The following NCAPD2 variants were observed in gnomAD, a reference collection of about 807,000 sequenced individuals.
NCAPD2 encodes the protein non-SMC condensin I complex subunit D2.
A neutral mutation model predicts 164.5 loss-of-function variants in NCAPD2; 100 were observed. The ratio of observed to expected loss-of-function variants is 0.61; its 90% CI spans 0.52 to 0.72. The LOEUF (loss-of-function observed/expected upper bound fraction) is 0.72. NCAPD2 is among the 30% of genes least tolerant of loss of function. The probability of loss-of-function intolerance (pLI) is 0.00; values close to 1 mark genes in which losing one functional copy is unlikely to be tolerated. For synonymous variants in NCAPD2, 585 were observed against 642.6 expected, an observed-to-expected ratio of 0.91 and a Z score of 1.36; for missense variants, 1,560 against 1,749.2, an observed-to-expected ratio of 0.89 and a Z score of 1.93.
intron 2 of NCAPD2, among the ~76,000 whole-genome samples, chr12:6,505,574 C>T (rs978457008): frequency 3.9e-5 from 6 of 152,056 alleles, no homozygotes; most frequent in African/African-American, 1.4e-4. Context: ...TGTGGTGGCT[C>T]GCGCCTGTAA....
intron 2 of NCAPD2, 43 bp from the exon 3 acceptor site, chr12:6,509,674 T>G: frequency 6.4e-7 from 1 of 1,564,968 alleles, no homozygotes; most frequent in Non-Finnish European, 8.8e-7. Flanking sequence ...ACTGAAAAGG[T>G]TTCTCTTCCC....
At chr12:6,501,629 A>G (rs952082071) in intron 2 of NCAPD2, among the ~76,000 whole-genome samples, 11 of 152,194 alleles carry the variant, frequency 7.2e-5, no homozygotes, top group Admixed American at 4.6e-4. Context: ...AAAGATACAC[A>G]TTTAGGATTT....
Position 6,508,687 on chromosome 12 carries a change from T to C in NCAPD2, c.128-1030T>C, listed in dbSNP as rs149704213. 2.4e-3 allele frequency among the ~76,000 whole-genome samples: 370 copies of C among 152,262 alleles called. 4 individuals carry two copies. In the Middle Eastern group the frequency reaches 0.027, roughly 11 times the overall value. On this transcript the variant is annotated intron_variant, in intron 2 of 31. Transcript: ENST00000315579. ...CAAAAATGTGATGTGAAACAGGACA[T>C]TTACGTAGTCTGAAAGTATCTTCCC... is the stretch of plus-strand genomic sequence containing the variant.
At chr12:6,513,713 G>GTTTTTTTTTTTTTTTTTTTTT (rs1303520172) in intron 6 of NCAPD2, among the ~76,000 whole-genome samples, 5 of 50,120 alleles carry the variant, frequency 1.0e-4, no homozygotes, top group African/African-American at 4.4e-4. Flanking sequence ...TGGTGACTTT[G>GTTTTTTTTTTTTTTTTTTTTT]TCTTTTTTTT....
At position 6,522,073 on chromosome 12, in the gene NCAPD2, G is replaced by A. The variant is rs1444274469; in HGVS notation, c.1954+36G>A. 3.8e-6 allele frequency: 6 copies of A among 1,579,092 alleles called. No homozygotes were observed. The Admixed American group carries it at 1.1e-4, about 30-fold the overall frequency. On this transcript the variant is annotated intron_variant, in intron 15 of 31. Coordinates refer to ENST00000315579, the MANE Select transcript of NCAPD2 (RefSeq NM_014865.4). ...GTCCCTTTCTATAAGGACAGCCTTG[G>A]GGTTCTTTTGGATTTTTTAATTTTT...
intron 17 of NCAPD2, among the ~76,000 whole-genome samples, chr12:6,524,312 A>G (rs1172329893): frequency 6.6e-6 from 1 of 152,166 alleles, no homozygotes; most frequent in Non-Finnish European, 1.5e-5. Context: ...CACAGTTCAC[A>G]TTGTAGAACA....
intron 17 of NCAPD2, 132 bp from the exon 18 acceptor site, chr12:6,525,448 ACCT>A: frequency 9.9e-7 from 1 of 1,006,012 alleles, no homozygotes; most frequent in Non-Finnish European, 1.4e-6. Context: ...TACATTTTGA[ACCT>A]CCTCTTTTCT....
In NCAPD2 at chr12:6,531,622, A is replaced by G. The variant is rs1489885504; in HGVS notation, c.*210A>G. On this transcript the variant is annotated 3_prime_UTR_variant, in exon 32 of 32. Transcript: ENST00000315579. This position sits in a 1 kb window ranked among gnomAD's most constrained non-coding sequence, Gnocchi z 4.1. ...GGAGTTCGAGACCAGCCTGACCAAC[A>G]TGGAGAAACCCCATCTCTACTAAAA... 3 of 878,074 alleles carry G rather than the reference A, an allele frequency of 3.4e-6. No individual in the cohort carries two copies. Among genetic ancestry groups the G allele is most frequent in the Admixed American group, 2.8e-5 (1 of 36,252 alleles). 54.4% of individuals were successfully genotyped at this position (878,074 alleles called of 1,614,324 possible). A position where few individuals can be genotyped will look rare whatever the true frequency, so the allele number is the denominator to read the frequency against.
intron 2 of NCAPD2, among the ~76,000 whole-genome samples, chr12:6,500,770 G>A (rs1420023182): frequency 6.6e-6 from 1 of 152,172 alleles, no homozygotes; most frequent in Non-Finnish European, 1.5e-5. Flanking sequence ...GAATGAACTT[G>A]AAAGCCATTG....
intron 2 of NCAPD2, among the ~76,000 whole-genome samples, chr12:6,500,692 A>T (rs1261004268): frequency 6.6e-6 from 1 of 152,190 alleles, no homozygotes; most frequent in East Asian, 1.9e-4. Flanking sequence ...TTTGGATGCA[A>T]TTATAAGCTT....
At chr12:6,514,193 G>A in intron 6 of NCAPD2, 72 bp from the exon 7 acceptor site, 2 of 1,591,064 alleles carry the variant, frequency 1.3e-6, no homozygotes, top group Non-Finnish European at 1.7e-6. Flanking sequence ...GGGATAGAAT[G>A]AATGAGGCAG....
At chr12:6,522,305 G>A (rs149531539) in intron 15 of NCAPD2, among the ~76,000 whole-genome samples, 6 of 149,016 alleles carry the variant, frequency 4.0e-5, no homozygotes, top group Non-Finnish European at 8.9e-5. Flanking sequence ...GGGGTTCTCG[G>A]CTGGGCGCGA....
chr12:6,497,244 A>G (rs1185315984), intron 2 of NCAPD2, among the ~76,000 whole-genome samples: 1 of 152,124 alleles, frequency 6.6e-6, no homozygotes, highest in Admixed American at 6.5e-5. Context: ...GCTGCATACT[A>G]TGACAAACTA....
intron 2 of NCAPD2, among the ~76,000 whole-genome samples, chr12:6,506,584 C>T (rs1471813354): frequency 2.7e-5 from 4 of 146,416 alleles, no homozygotes; most frequent in South Asian, 2.2e-4. Context: ...AGAGAGATTC[C>T]GTCTCAAGAA....
intron 2 of NCAPD2, among the ~76,000 whole-genome samples, chr12:6,504,748 C>G (rs1946083238): frequency 1.3e-5 from 2 of 151,940 alleles, no homozygotes; most frequent in South Asian, 4.1e-4. Context: ...TGCAGTCAAG[C>G]TAGAGGAAAT....
chr12:6,510,354 A>G (rs768283922), intron 4 of NCAPD2: 3 of 784,072 alleles, frequency 3.8e-6, no homozygotes, highest in Non-Finnish European at 6.9e-6. Flanking sequence ...GCAGACCAAC[A>G]AGAACTTTTT....
In NCAPD2 at chr12:6,528,971, A is replaced by T. The variant is rs1294392031; in HGVS notation, c.3504A>T (p.Pro1168=). The stretch of plus-strand genomic sequence containing the variant: ...GCAACGCAATCTATAATCTCCTTCC[A>T]GATATCATCAGCCGCCTGTCAGACC... ...HKGNAIYNLL[P]DIISRLSDPE... The change falls in exon 27 of 32, where the codon CCA becomes CCT. Residue 1168 remains proline, a synonymous_variant. Coordinates refer to ENST00000315579, the MANE Select transcript of NCAPD2 (RefSeq NM_014865.4). This position sits in a 1 kb window ranked among gnomAD's most constrained non-coding sequence, Gnocchi z 5.1. 6.2e-7 allele frequency: 1 copy of T among 1,613,840 alleles called. No homozygotes were observed. Among genetic ancestry groups the T allele is most frequent in the Non-Finnish European group, 8.5e-7 (1 of 1,180,036 alleles).
intron 17 of NCAPD2, among the ~76,000 whole-genome samples, chr12:6,524,115 A>G (rs1946293363): frequency 6.6e-6 from 1 of 152,188 alleles, no homozygotes; most frequent in African/African-American, 2.4e-5. Context: ...TAAGAGCTCT[A>G]GAAAACATAC....
chr12:6,510,395 G>A (rs1356320339), intron 4 of NCAPD2: 1 of 781,280 alleles, frequency 1.3e-6, no homozygotes, highest in African/African-American at 1.7e-5. Flanking sequence ...TTTTAATAGG[G>A]GTGATTCTTC....
Sources: allele counts gnomAD v4.1 joint callset (sites outside exome capture counted in the v4.1 genomes callset), GRCh38; gene constraint gnomAD v4.1.1; non-coding constraint Gnocchi (gnomAD v3.1); transcripts MANE v1.5; gene names NCBI Gene and HGNC (gene_info 2026-07-23, HGNC 2026-07-21).